Variants in MVB12B observed in about 807,000 individuals in gnomAD.
The protein encoded by MVB12B is ESCRT-I complex subunit MVB12B.
Under a neutral mutation model 41.6 loss-of-function variants are expected in MVB12B, and 16 were observed. The ratio of observed to expected loss-of-function variants is 0.38; its 90% CI spans 0.26 to 0.58. MVB12B has a LOEUF of 0.58. Among genes scored for constraint, MVB12B ranks in the 20% least tolerant of loss-of-function variants. MVB12B has a pLI of 0.62. For synonymous variants in MVB12B, 133 were observed against 139.7 expected, an observed-to-expected ratio of 0.95 and a Z score of 0.34; for missense variants, 274 against 380.2, an observed-to-expected ratio of 0.72 and a Z score of 2.32.
At chr9:126,407,192 A>G (rs1008844104) in intron 6 of MVB12B, among the ~76,000 whole-genome samples, 2 of 152,196 alleles carry the variant, frequency 1.3e-5, no homozygotes, top group African/African-American at 2.4e-5. Flanking sequence ...GGTCTCACTT[A>G]TTGGTACAGC....
At position 126,506,999 on chromosome 9, in the gene MVB12B, C is replaced by G. The variant is rs1834086531; in HGVS notation, c.*3736C>G. 1 of 152,192 alleles carries G rather than the reference C, an allele frequency of 6.6e-6. No individual in the cohort carries two copies. Among genetic ancestry groups the G allele is most frequent in the African/African-American group, 2.4e-5 (1 of 41,404 alleles). The allele number at this position is 152,192 out of a possible 1,614,324, so 9.4% of individuals were successfully genotyped here. A position where few individuals can be genotyped will look rare whatever the true frequency, so the allele number is the denominator to read the frequency against. On this transcript the variant is annotated 3_prime_UTR_variant, in exon 10 of 10. Transcript: ENST00000361171. ...AGTCCACTGTGTGATTGTCTGTATT[C>G]TTAATATAATTTGTTAAATAAACGT...
intron 6 of MVB12B, 113 bp from the exon 7 acceptor site, chr9:126,421,741 C>T: frequency 1.3e-6 from 1 of 787,978 alleles, no homozygotes; most frequent in East Asian, 2.5e-5. Context: ...GCCAGAAGCA[C>T]CTGCTCTGCC....
At chr9:126,337,091 G>A (rs1829305833) in intron 1 of MVB12B, among the ~76,000 whole-genome samples, 1 of 152,184 alleles carries the variant, frequency 6.6e-6, no homozygotes, top group African/African-American at 2.4e-5. Flanking sequence ...CCAAAACACT[G>A]GGTCAGCTTT....
chr9:126,490,840 G>A (rs1428545539), intron 9 of MVB12B, among the ~76,000 whole-genome samples: 1 of 152,208 alleles, frequency 6.6e-6, no homozygotes, highest in Non-Finnish European at 1.5e-5. Context: ...CATGTTTGTA[G>A]TCAGTCCTCA....
At chr9:126,479,390 C>T (rs947251026) in intron 7 of MVB12B, among the ~76,000 whole-genome samples, 1 of 152,206 alleles carries the variant, frequency 6.6e-6, no homozygotes, top group African/African-American at 2.4e-5. Flanking sequence ...CTGCCCTTCT[C>T]TAGAAGGCTT....
At chr9:126,344,203 C>CT (rs1389197882) in intron 2 of MVB12B, among the ~76,000 whole-genome samples, 1 of 152,222 alleles carries the variant, frequency 6.6e-6, no homozygotes, top group Non-Finnish European at 1.5e-5. Context: ...GCAAAACACA[C>CT]ACAGCTCCTG....
intron 6 of MVB12B, among the ~76,000 whole-genome samples, chr9:126,403,274 C>G (rs922378899): frequency 9.2e-5 from 14 of 152,198 alleles, no homozygotes; most frequent in African/African-American, 3.1e-4. Context: ...CATTCTTATT[C>G]CAAAAGCATC....
At chr9:126,497,960 G>A (rs1043283583) in intron 9 of MVB12B, among the ~76,000 whole-genome samples, 5 of 152,314 alleles carry the variant, frequency 3.3e-5, no homozygotes, top group Non-Finnish European at 5.9e-5. Flanking sequence ...AGCAGCGGGC[G>A]GCCCACCCTC....
At chr9:126,373,660 C>T (rs776277649) in intron 2 of MVB12B, among the ~76,000 whole-genome samples, 3 of 152,224 alleles carry the variant, frequency 2.0e-5, no homozygotes, top group African/African-American at 2.4e-5. Context: ...TCAATTCCAA[C>T]GTTGAAGAAC....
intron 7 of MVB12B, among the ~76,000 whole-genome samples, chr9:126,463,818 A>AT (rs775786334): frequency 1.3e-4 from 19 of 151,894 alleles, no homozygotes; most frequent in Admixed American, 2.0e-4. Context: ...ATTTTATACC[A>AT]TTTTTTTTAA....
intron 7 of MVB12B, among the ~76,000 whole-genome samples, chr9:126,465,239 A>G (rs1245208753): frequency 6.6e-6 from 1 of 152,214 alleles, no homozygotes; most frequent in Non-Finnish European, 1.5e-5. Flanking sequence ...GTGACTCAGC[A>G]TTTGTGAGAA....
rs113551988 is a variant in MVB12B, at chr9:126,435,555, C to T, written c.757+13607C>T. Among the ~76,000 whole-genome samples the T allele has an allele frequency of 8.5e-3, 1,299 of 152,072 alleles. 15 individuals carry two copies. The highest frequency in any genetic ancestry group is 0.03 in the African/African-American group (1,254 of 41,474). ...TTTGAGAAGGGATCATATCGGCACTCAACCCTTTAAATGATTTTCCTTCTT... is the reference window on the plus strand; with the variant it reads ...TTTGAGAAGGGATCATATCGGCACTTAACCCTTTAAATGATTTTCCTTCTT... On this transcript the variant is annotated intron_variant, in intron 7 of 9. Coordinates refer to ENST00000361171, the MANE Select transcript of MVB12B (RefSeq NM_033446.3).
intron 3 of MVB12B, among the ~76,000 whole-genome samples, chr9:126,382,655 C>T (rs1035874604): frequency 2.6e-5 from 4 of 152,062 alleles, no homozygotes; most frequent in South Asian, 4.2e-4. Context: ...GAGTAGAGGC[C>T]GAAGAGGCTT....
Position 126,503,162 on chromosome 9 carries a change from C to T in MVB12B, c.874-15C>T. Reference sequence around the variant, plus strand: ...TGGACTGACTGTGTCTCTCTGTCCCCACCCGCCCCTGCAGTACGAGTACAG... The same window carrying T: ...TGGACTGACTGTGTCTCTCTGTCCCTACCCGCCCCTGCAGTACGAGTACAG... On this transcript the variant is annotated splice_polypyrimidine_tract_variant and intron_variant, in intron 9 of 9. Transcript: ENST00000361171. 6.5e-7 allele frequency: 1 copy of T among 1,548,398 alleles called. No homozygotes were observed. Among genetic ancestry groups the T allele is most frequent in the Non-Finnish European group, 8.7e-7 (1 of 1,144,898 alleles).
At chr9:126,458,008 ATTCTCACCATC>A (rs1833019042) in intron 7 of MVB12B, among the ~76,000 whole-genome samples, 1 of 152,200 alleles carries the variant, frequency 6.6e-6, no homozygotes, top group African/African-American at 2.4e-5. Context: ...GCGAATAGCC[ATTCTCACCATC>A]TCCTTGAGCT....
At chr9:126,492,700 GCA>G (rs1380427755) in intron 9 of MVB12B, among the ~76,000 whole-genome samples, 1 of 152,166 alleles carries the variant, frequency 6.6e-6, no homozygotes, top group Admixed American at 6.5e-5. Flanking sequence ...AATTATCCAG[GCA>G]CAGTGGCTCA....
intron 2 of MVB12B, among the ~76,000 whole-genome samples, chr9:126,358,235 ACACCAGG>A (rs1369509568): frequency 1.3e-5 from 2 of 152,098 alleles, no homozygotes; most frequent in Non-Finnish European, 2.9e-5. Context: ...ATAATTCTTA[ACACCAGG>A]TAGTCTTTTA....
intron 9 of MVB12B, among the ~76,000 whole-genome samples, chr9:126,490,567 C>T (rs1833711266): frequency 1.3e-5 from 2 of 152,202 alleles, no homozygotes; most frequent in South Asian, 4.1e-4. Context: ...AGGAAGCACA[C>T]ATTAGCCTGC....
rs1214018651 is a variant in MVB12B, at chr9:126,376,485, G to C, written c.205-4579G>C. 3.1e-6 allele frequency: 4 copies of C among 1,287,326 alleles called. No individual in the cohort carries two copies. Among genetic ancestry groups the C allele is most frequent in the Admixed American group, 2.3e-5 (1 of 43,552 alleles). The allele number at this position is 1,287,326 out of a possible 1,614,324, so 79.7% of individuals were successfully genotyped here. Reference sequence around the variant, plus strand: ...TCATGGGCTGGAGCCCTGTGGGTGGGGGGCCTGCTGGCTGGTGTGCTACAC... The same window carrying C: ...TCATGGGCTGGAGCCCTGTGGGTGGCGGGCCTGCTGGCTGGTGTGCTACAC... On this transcript the variant is annotated intron_variant, in intron 2 of 9. Transcript: ENST00000361171. The surrounding 1 kb of genome is among the most constrained non-coding windows in gnomAD (Gnocchi z 4.1).
Sources: allele counts gnomAD v4.1 joint callset (sites outside exome capture counted in the v4.1 genomes callset), GRCh38; gene constraint gnomAD v4.1.1; non-coding constraint Gnocchi (gnomAD v3.1); transcripts MANE v1.5; gene names NCBI Gene and HGNC (gene_info 2026-07-23, HGNC 2026-07-21).